The following EPM2A variants were observed in gnomAD, a reference collection of about 807,000 sequenced individuals.
The protein encoded by EPM2A is laforin.
EPM2A carries 21 observed loss-of-function variants against 26.5 expected under a neutral mutation model. The observed-to-expected ratio is 0.79, with a 90% CI of 0.56 to 1.14. EPM2A has a LOEUF of 1.14. Among genes scored for constraint, EPM2A ranks in the 50% most tolerant of loss-of-function variants. The probability of loss-of-function intolerance (pLI) is 0.00; values close to 1 mark genes in which losing one functional copy is unlikely to be tolerated. For synonymous variants in EPM2A, 217 were observed against 177.6 expected, an observed-to-expected ratio of 1.22 and a Z score of -1.76; for missense variants, 458 against 440.8, an observed-to-expected ratio of 1.04 and a Z score of -0.35.
intron 1 of EPM2A, among the ~76,000 whole-genome samples, chr6:145,692,906 T>G (rs1781364876): frequency 6.6e-6 from 1 of 152,102 alleles, no homozygotes; most frequent in Non-Finnish European, 1.5e-5. Context: ...GAGCTCTTTT[T>G]TGATTCCATA....
chr6:145,499,410 T>C (rs1221623036), downstream of EPM2A, among the ~76,000 whole-genome samples: 1 of 152,248 alleles, frequency 6.6e-6, no homozygotes, highest in African/African-American at 2.4e-5. Context: ...GGAATCCTCC[T>C]TGTACTTCTA....
At chr6:145,557,505 C>G (rs1780744560) in intron 2 of EPM2A, among the ~76,000 whole-genome samples, 1 of 151,926 alleles carries the variant, frequency 6.6e-6, no homozygotes, top group South Asian at 2.1e-4. Context: ...GTCATGTTAC[C>G]TTCTGTTTTA....
chr6:145,708,255 T>C (rs760604217), intron 1 of EPM2A, among the ~76,000 whole-genome samples: 1 of 151,956 alleles, frequency 6.6e-6, no homozygotes, highest in Non-Finnish European at 1.5e-5. Context: ...GGGGAAAAAA[T>C]CCAGCTGGCT....
chr6:145,494,689 G>T (rs1779795449), intron 4 of EPM2A, among the ~76,000 whole-genome samples: 1 of 152,056 alleles, frequency 6.6e-6, no homozygotes, highest in African/African-American at 2.4e-5. Flanking sequence ...TTGTATCTTT[G>T]TTCCCATTAG....
intron 2 of EPM2A, among the ~76,000 whole-genome samples, chr6:145,520,779 A>C (rs1486858841): frequency 6.6e-6 from 1 of 152,204 alleles, no homozygotes; most frequent in Non-Finnish European, 1.5e-5. Context: ...AAAGGGGACC[A>C]CAAGGGCCAT....
At chr6:145,405,739 C>T (rs1778558614) in intron 4 of EPM2A, among the ~76,000 whole-genome samples, 1 of 152,060 alleles carries the variant, frequency 6.6e-6, no homozygotes, top group Non-Finnish European at 1.5e-5. Context: ...TGGAGAACAA[C>T]TAGAGTAAAG....
At chr6:145,577,293 C>T (rs761481723) in intron 2 of EPM2A, among the ~76,000 whole-genome samples, 11 of 150,488 alleles carry the variant, frequency 7.3e-5, no homozygotes, top group Non-Finnish European at 1.5e-4. Flanking sequence ...AAACTCACTT[C>T]ACCTATAAAG....
intron 2 of EPM2A, among the ~76,000 whole-genome samples, chr6:145,642,410 T>C (rs1226372623): frequency 6.6e-6 from 1 of 152,206 alleles, no homozygotes; most frequent in Non-Finnish European, 1.5e-5. Context: ...GTATTTGTTT[T>C]AAAGAATCTG....
intron 2 of EPM2A, among the ~76,000 whole-genome samples, chr6:145,555,403 C>T (rs946992720): frequency 3.9e-5 from 6 of 152,032 alleles, no homozygotes; most frequent in Non-Finnish European, 7.4e-5. Context: ...CTAACTCTAA[C>T]ATGGCCCATA....
At chr6:145,562,598 G>GA (rs1365212185) in intron 2 of EPM2A, among the ~76,000 whole-genome samples, 1 of 152,102 alleles carries the variant, frequency 6.6e-6, no homozygotes, top group Admixed American at 6.6e-5. Context: ...AATTCAACTT[G>GA]AGTCATGAAG....
chr6:145,581,609 A>C (rs1781115530), intron 2 of EPM2A, among the ~76,000 whole-genome samples: 2 of 152,080 alleles, frequency 1.3e-5, no homozygotes, highest in South Asian at 4.1e-4. Flanking sequence ...ATTTTCTTCT[A>C]GTGTTTATTC....
intron 2 of EPM2A, among the ~76,000 whole-genome samples, chr6:145,605,746 C>A (rs1775233785): frequency 6.6e-6 from 1 of 151,886 alleles, no homozygotes; most frequent in Non-Finnish European, 1.5e-5. Context: ...AACATTTATG[C>A]CAATTAAACT....
intron 2 of EPM2A, among the ~76,000 whole-genome samples, chr6:145,589,881 C>A (rs1781247360): frequency 2.7e-5 from 2 of 74,494 alleles, no homozygotes; most frequent in Admixed American, 1.9e-4. Flanking sequence ...ATGAAAAGTT[C>A]AGAGGTTAAA....
chr6:145,444,236 T>G (rs187002034), intron 4 of EPM2A, among the ~76,000 whole-genome samples: 1 of 152,326 alleles, frequency 6.6e-6, no homozygotes, highest in East Asian at 1.9e-4. Context: ...GGCTGTGGGT[T>G]TGGCATAAAT....
chr6:145,476,124 C>T (rs555827086), intron 4 of EPM2A, among the ~76,000 whole-genome samples: 23 of 152,174 alleles, frequency 1.5e-4, no homozygotes, highest in African/African-American at 5.5e-4. Context: ...ATTTGCTATA[C>T]TCATATAAGA....
chr6:145,626,619 TGA>T lies in EPM2A; in HGVS notation c.*795_*796del. ...AAACAAGTTGTGATGAAAACAGTGC[TGA>T]GTCAAATAAATATAGATTATTAACT... On this transcript the variant is annotated 3_prime_UTR_variant, in exon 4 of 4. Coordinates refer to ENST00000367519, the MANE Select transcript of EPM2A (RefSeq NM_005670.4). 2.0e-6 allele frequency: 2 copies of T among 983,120 alleles called. No homozygotes were observed. Among genetic ancestry groups the T allele is most frequent in the Non-Finnish European group, 2.4e-6 (2 of 827,588 alleles). 60.9% of individuals were successfully genotyped at this position (983,120 alleles called of 1,614,324 possible). A position where few individuals can be genotyped will look rare whatever the true frequency, so the allele number is the denominator to read the frequency against.
intron 4 of EPM2A, among the ~76,000 whole-genome samples, chr6:145,393,465 C>G (rs1764130288): frequency 6.6e-6 from 1 of 151,802 alleles, no homozygotes; most frequent in African/African-American, 2.4e-5. Flanking sequence ...ATAAAGAAAA[C>G]TAATTCTTTT....
intron 1 of EPM2A, among the ~76,000 whole-genome samples, chr6:145,714,122 T>C (rs531475318): frequency 6.6e-6 from 1 of 152,284 alleles, no homozygotes; most frequent in African/African-American, 2.4e-5. Flanking sequence ...GAGTTTCATT[T>C]TGGAATGGCA....
At position 145,405,790 on chromosome 6, in the gene EPM2A, T is replaced by C. The variant is rs193286318; in HGVS notation, c.556-21693A>G. Among the ~76,000 whole-genome samples the C allele has an allele frequency of 6.6e-5, 10 of 152,282 alleles. No individual in the cohort carries two copies. In the East Asian group the frequency reaches 1.5e-3, roughly 23 times the overall value. On this transcript the variant is annotated intron_variant, in intron 4 of 4. Coordinates refer to the EPM2A transcript ENST00000638717. ...AATAGTCATTCTGGAAACTGTTGAATAGCTGTTTTCCAGGACATCACCATT... is the reference window on the plus strand; with the variant it reads ...AATAGTCATTCTGGAAACTGTTGAACAGCTGTTTTCCAGGACATCACCATT...
Sources: gnomAD v4.1 joint callset for allele counts (sites outside exome capture counted in the v4.1 genomes callset) on GRCh38, gnomAD v4.1.1 for gene constraint, MANE v1.5 for transcripts, NCBI Gene and HGNC (gene_info 2026-07-23, HGNC 2026-07-21) for gene names.